Variants in TXNDC9 observed in about 807,000 individuals in gnomAD.
TXNDC9 encodes the protein thioredoxin domain-containing protein 9.
A neutral mutation model predicts 23.0 loss-of-function variants in TXNDC9; 7 were observed. The observed-to-expected ratio is 0.30, with a 90% CI of 0.17 to 0.57. The LOEUF is 0.57. TXNDC9 is among the 20% of genes least tolerant of loss of function. TXNDC9 has a pLI of 0.90. For synonymous variants in TXNDC9, 72 were observed against 90.6 expected, an observed-to-expected ratio of 0.79 and a Z score of 1.17; for missense variants, 198 against 252.6, an observed-to-expected ratio of 0.78 and a Z score of 1.47.
intron 4 of TXNDC9, among the ~76,000 whole-genome samples, chr2:99,320,521 T>G (rs958014852): frequency 6.6e-6 from 1 of 152,166 alleles, no homozygotes; most frequent in African/African-American, 2.4e-5. Context: ...GTTTGTACTC[T>G]TCAAAAACAT....
downstream of TXNDC9, among the ~76,000 whole-genome samples, chr2:99,314,446 AAT>A (rs1464670887): frequency 6.6e-6 from 1 of 151,026 alleles, no homozygotes; most frequent in Non-Finnish European, 1.5e-5. Flanking sequence ...TAGCATTTAC[AAT>A]GTGTTAGGTA....
chr2:99,320,254 T>C (rs1190968548), intron 4 of TXNDC9, among the ~76,000 whole-genome samples: 1 of 152,216 alleles, frequency 6.6e-6, no homozygotes, highest in Non-Finnish European at 1.5e-5. Flanking sequence ...GCAATCCTCC[T>C]GCTTTGGCAT....
At chr2:99,316,160 T>A (rs2094188677), downstream of TXNDC9, among the ~76,000 whole-genome samples, 1 of 147,728 alleles carries the variant, frequency 6.8e-6, no homozygotes, top group Non-Finnish European at 1.5e-5. Context: ...CACTGAAAAA[T>A]GAAAAAACAA....
At chr2:99,320,759 T>C (rs1006558657) in intron 4 of TXNDC9, among the ~76,000 whole-genome samples, 5 of 152,208 alleles carry the variant, frequency 3.3e-5, no homozygotes, top group African/African-American at 9.6e-5. Context: ...GACACTGTAT[T>C]CACAATTTCC....
chr2:99,321,329 A>G (rs1339969902), intron 4 of TXNDC9: 1 of 152,212 alleles, frequency 6.6e-6, no homozygotes, highest in African/African-American at 2.4e-5. Flanking sequence ...ACAAGATGAT[A>G]TGCTCTGATT....
At chr2:99,324,193 T>C (rs574620128) in intron 3 of TXNDC9, among the ~76,000 whole-genome samples, 2 of 152,300 alleles carry the variant, frequency 1.3e-5, no homozygotes, top group East Asian at 3.9e-4. Flanking sequence ...TCTCTGGCAG[T>C]GGAGTTGGGA....
At chr2:99,306,217 A>C in the TXNDC9 span, among the ~76,000 whole-genome samples, 4 of 139,022 alleles carry the variant, frequency 2.9e-5, no homozygotes, top group Non-Finnish European at 6.3e-5. Context: ...AAAACACACA[A>C]AAAAGGAGAG....
chr2:99,320,769 C>T (rs1450223232), intron 4 of TXNDC9, among the ~76,000 whole-genome samples: 1 of 152,056 alleles, frequency 6.6e-6, no homozygotes, highest in African/African-American at 2.4e-5. Context: ...TCACAATTTC[C>T]ACTCAAATGG....
the TXNDC9 span, among the ~76,000 whole-genome samples, chr2:99,308,734 T>TG: frequency 3.3e-5 from 5 of 151,892 alleles, no homozygotes; most frequent in African/African-American, 1.2e-4. Flanking sequence ...TTTTTTGAGA[T>TG]GGAGTTTTGC....
intron 3 of TXNDC9, 51 bp downstream of exon 3, chr2:99,327,484 A>C (rs774920305): frequency 1.5e-6 from 2 of 1,341,454 alleles, no homozygotes; most frequent in South Asian, 2.4e-5. Context: ...TCTCCAGCCA[A>C]ACAATTCACT....
chr2:99,326,850 C>T (rs879038020), intron 3 of TXNDC9, among the ~76,000 whole-genome samples: 22 of 152,126 alleles, frequency 1.4e-4, no homozygotes, highest in Admixed American at 1.3e-3. Context: ...AGCTGTTGCC[C>T]GTTCCCAATA....
chr2:99,306,454 A>T, the TXNDC9 span, among the ~76,000 whole-genome samples: 6 of 152,276 alleles, frequency 3.9e-5, no homozygotes, highest in Admixed American at 2.6e-4. Flanking sequence ...AGGAAGGCCT[A>T]ATGCAAAGAA....
At chr2:99,321,762 TA>T in intron 4 of TXNDC9, 192 bp downstream of exon 4, 1 of 626,642 alleles carries the variant, frequency 1.6e-6, no homozygotes. Context: ...GTTTAATCTG[TA>T]AATCTGATTT....
the TXNDC9 span, among the ~76,000 whole-genome samples, chr2:99,310,758 C>T: frequency 6.6e-6 from 1 of 152,062 alleles, no homozygotes; most frequent in African/African-American, 2.4e-5. Context: ...GCTAGGGACT[C>T]TTGTCTCTAA....
At chr2:99,333,388 A>G in intron 1 of TXNDC9, 146 bp from the exon 2 acceptor site, 1 of 646,472 alleles carries the variant, frequency 1.5e-6, no homozygotes, top group South Asian at 2.5e-5. Flanking sequence ...GCTGGGCTTA[A>G]CAATTTTTAT....
chr2:99,309,512 T>TA, the TXNDC9 span, among the ~76,000 whole-genome samples: 4 of 150,458 alleles, frequency 2.7e-5, no homozygotes, highest in South Asian at 2.1e-4. Context: ...TTGTTTCAAT[T>TA]AAAAAAAAAG....
At chr2:99,306,884 A>T in the TXNDC9 span, 12 of 416,930 alleles carry the variant, frequency 2.9e-5, no homozygotes, top group African/African-American at 2.5e-4. Context: ...GGCATTATAA[A>T]GACCACGTAG....
intron 4 of TXNDC9, 140 bp downstream of exon 4, chr2:99,321,815 T>C (rs1160078016): frequency 1.2e-5 from 12 of 977,872 alleles, no homozygotes; most frequent in South Asian, 1.1e-4. Flanking sequence ...CAAAAAAACA[T>C]GCTTTTCCTT....
intron 3 of TXNDC9, among the ~76,000 whole-genome samples, chr2:99,325,663 C>T (rs1306148815): frequency 6.6e-6 from 1 of 152,152 alleles, no homozygotes; most frequent in South Asian, 2.1e-4. Context: ...GGTCACAATA[C>T]AGGCAAATGC....
Sources: gnomAD v4.1 joint callset for allele counts (sites outside exome capture counted in the v4.1 genomes callset) on GRCh38, gnomAD v4.1.1 for gene constraint, MANE v1.5 for transcripts, NCBI Gene and HGNC (gene_info 2026-07-23, HGNC 2026-07-21) for gene names.